The following BRDT variants were observed in gnomAD, a reference collection of about 807,000 sequenced individuals.
The protein encoded by BRDT is bromodomain testis associated, also known as bromodomain testis-specific protein.
Under a neutral mutation model 113.9 loss-of-function variants are expected in BRDT, and 77 were observed. That is an observed-to-expected ratio of 0.68 (90% CI 0.56 to 0.82). The LOEUF is 0.82. Ranked by LOEUF, BRDT falls within the 40% of genes least tolerant of loss-of-function variation. The pLI is 0.00. For synonymous variants in BRDT, 358 were observed against 366.5 expected (o/e 0.98, Z 0.26); for missense variants, 1,027 against 1,105.4 (o/e 0.93, Z 1.01).
intron 12 of BRDT, among the ~76,000 whole-genome samples, chr1:91,987,466 T>C (rs912809486): frequency 6.6e-6 from 1 of 152,074 alleles, no homozygotes; most frequent in African/African-American, 2.4e-5. Flanking sequence ...CCTGTGTAGC[T>C]GGAGCTACAG....
intron 15 of BRDT, among the ~76,000 whole-genome samples, chr1:91,996,367 G>T (rs1686335875): frequency 1.3e-5 from 2 of 152,120 alleles, no homozygotes; most frequent in Admixed American, 6.6e-5. Flanking sequence ...TCATGCCTCA[G>T]CCACCCAAGT....
At chr1:91,951,625 T>G (rs1681096326) in intron 1 of BRDT, among the ~76,000 whole-genome samples, 1 of 140,826 alleles carries the variant, frequency 7.1e-6, no homozygotes, top group Admixed American at 7.1e-5. Context: ...TACAAAAAAA[T>G]TAGCCGGGCG....
chr1:91,988,693 G>T (rs1233987576), intron 12 of BRDT, among the ~76,000 whole-genome samples: 2 of 152,078 alleles, frequency 1.3e-5, no homozygotes, highest in African/African-American at 4.8e-5. Context: ...GAGCTACCAC[G>T]CCCGGCCTTG....
chr1:92,012,364 T>A (rs1299722694), intron 18 of BRDT, among the ~76,000 whole-genome samples: 4 of 151,832 alleles, frequency 2.6e-5, no homozygotes, highest in Non-Finnish European at 5.9e-5. Flanking sequence ...TCTCTATCGA[T>A]AATTGTTCCA....
chr1:91,986,497 G>A (rs1685254037), intron 12 of BRDT, among the ~76,000 whole-genome samples: 1 of 152,096 alleles, frequency 6.6e-6, no homozygotes, highest in Admixed American at 6.5e-5. Context: ...GAAACTAAAT[G>A]GTCATGACAT....
At position 91,981,572 on chromosome 1, in the gene BRDT, A is replaced by G. The variant is rs369160435; in HGVS notation, c.1865-46A>G. The G allele has an allele frequency of 9.5e-5, 153 of 1,602,198 alleles. No homozygotes were observed. In the Middle Eastern group the frequency reaches 1.2e-3, roughly 12 times the overall value. ...GTGGCAGTTTTTAAATGTTCCTGCA[A>G]CTATTTAATTCTTCTGGCATTTTAA... On this transcript the variant is annotated intron_variant, in intron 11 of 18. Transcript: ENST00000399546.
chr1:91,961,803 T>C (rs1682477474), intron 1 of BRDT, among the ~76,000 whole-genome samples: 1 of 152,148 alleles, frequency 6.6e-6, no homozygotes, highest in Non-Finnish European at 1.5e-5. Flanking sequence ...CTTTTCCTGC[T>C]AAGACCTCAA....
intron 1 of BRDT, among the ~76,000 whole-genome samples, chr1:91,956,496 C>A (rs12731467): frequency 0.18 from 28,100 of 152,110 alleles, 3,175 homozygotes; most frequent in Middle Eastern, 0.27. Flanking sequence ...AGCTCCTAGC[C>A]ACATGTGGCT....
intron 18 of BRDT, among the ~76,000 whole-genome samples, chr1:92,010,249 C>T (rs1474675334): frequency 6.7e-6 from 1 of 149,884 alleles, no homozygotes; most frequent in African/African-American, 2.4e-5. Context: ...TGCCTCATAG[C>T]TCACTAATGC....
At chr1:91,982,804 A>T (rs1338485815) in intron 12 of BRDT, among the ~76,000 whole-genome samples, 1 of 152,136 alleles carries the variant, frequency 6.6e-6, no homozygotes, top group East Asian at 1.9e-4. Context: ...TTACTTTGGG[A>T]TTTGTCATAC....
At chr1:91,979,796 AGCT>A (rs1453826676) in intron 8 of BRDT, 39 bp downstream of exon 8, 2 of 1,553,068 alleles carry the variant, frequency 1.3e-6, no homozygotes, top group Non-Finnish European at 1.7e-6. Flanking sequence ...ATAATCTATG[AGCT>A]GCTAATCTAT....
chr1:91,953,699 T>C (rs1681392552), intron 1 of BRDT, among the ~76,000 whole-genome samples: 2 of 152,126 alleles, frequency 1.3e-5, no homozygotes, highest in Admixed American at 6.6e-5. Flanking sequence ...CCCAAGGTTA[T>C]TTTGAGAGTT....
intron 1 of BRDT, among the ~76,000 whole-genome samples, chr1:91,961,473 A>T (rs11165898): frequency 0.7 from 106,851 of 151,832 alleles, 38,827 homozygotes; most frequent in Middle Eastern, 0.8. Flanking sequence ...CTACAAAAAA[A>T]TACAAAAATT....
At position 91,992,952 on chromosome 1, in the gene BRDT, A is replaced by G. The variant is rs4634958; in HGVS notation, c.2115+638A>G. On this transcript the variant is annotated intron_variant, in intron 14 of 18. Coordinates refer to ENST00000399546, the MANE Select transcript of BRDT (RefSeq NM_207189.4). ...GAACTTTGGAAGCATTTTTATCTCA[A>G]TACGTAGCATGTAGAATGCCACCTT... Among the ~76,000 whole-genome samples the G allele has an allele frequency of 3.1e-3, 476 of 152,344 alleles. 3 individuals carry two copies. The highest frequency in any genetic ancestry group is 0.011 in the African/African-American group (460 of 41,572).
chr1:91,964,354 C>A (rs757942172), intron 2 of BRDT, among the ~76,000 whole-genome samples: 6 of 152,202 alleles, frequency 3.9e-5, no homozygotes, highest in Admixed American at 6.5e-5. Context: ...AGCCACCATG[C>A]CCGGCCAATT....
intron 18 of BRDT, among the ~76,000 whole-genome samples, chr1:92,011,670 A>C (rs1331645909): frequency 6.6e-6 from 1 of 152,098 alleles, no homozygotes; most frequent in Non-Finnish European, 1.5e-5. Context: ...TAACCTGATA[A>C]ATTTCCCAAT....
chr1:91,980,155 C>T (rs943208349), intron 8 of BRDT, among the ~76,000 whole-genome samples: 4 of 152,090 alleles, frequency 2.6e-5, no homozygotes, highest in African/African-American at 9.7e-5. Flanking sequence ...GCCTGTAACC[C>T]CAACACTTTG....
At chr1:91,965,026 A>G (rs1433054251) in intron 3 of BRDT, among the ~76,000 whole-genome samples, 1 of 151,058 alleles carries the variant, frequency 6.6e-6, no homozygotes, top group Non-Finnish European at 1.5e-5. Context: ...CTCCTGCCTC[A>G]GCCTCCCGAG....
intron 11 of BRDT, 81 bp from the exon 12 acceptor site, chr1:91,981,537 C>G: frequency 6.3e-7 from 1 of 1,578,302 alleles, no homozygotes. Flanking sequence ...CGCGACCATG[C>G]CCAGCCTAGG....
Sources: gnomAD v4.1 joint callset for allele counts (sites outside exome capture counted in the v4.1 genomes callset) on GRCh38, gnomAD v4.1.1 for gene constraint, MANE v1.5 for transcripts, NCBI Gene and HGNC (gene_info 2026-07-23, HGNC 2026-07-21) for gene names.